The following CPPED1 variants were observed in gnomAD, a reference collection of about 807,000 sequenced individuals.
CPPED1 encodes serine/threonine-protein phosphatase CPPED1.
CPPED1 carries 28 observed loss-of-function variants against 28.0 expected under a neutral mutation model. The ratio of observed to expected loss-of-function variants is 1.00; its 90% CI spans 0.74 to 1.37. The LOEUF (loss-of-function observed/expected upper bound fraction) is 1.37, where lower values mean the gene tolerates loss of function less well. CPPED1 is among the 40% of genes most tolerant of loss of function. CPPED1 has a pLI of 0.00. For synonymous variants in CPPED1, 198 were observed against 180.2 expected (o/e 1.10, Z -0.79); for missense variants, 504 against 416.5 (o/e 1.21, Z -1.83).
intron 1 of CPPED1, among the ~76,000 whole-genome samples, chr16:12,797,485 G>T (rs1020269655): frequency 2.6e-5 from 4 of 151,690 alleles, no homozygotes; most frequent in Admixed American, 1.3e-4. Context: ...AGCCCAGGAG[G>T]GGGAGGCTGC....
At chr16:12,794,297 A>G (rs1367721373) in intron 1 of CPPED1, among the ~76,000 whole-genome samples, 1 of 152,180 alleles carries the variant, frequency 6.6e-6, no homozygotes, top group Non-Finnish European at 1.5e-5. Flanking sequence ...CTGTGAATAC[A>G]CTAAAAGCCA....
chr16:12,720,210 C>T (rs550195602), intron 2 of CPPED1: 1 of 153,714 alleles, frequency 6.5e-6, no homozygotes. Flanking sequence ...GGAGATGGCA[C>T]CCCAGATAAA....
chr16:12,691,281 TTTTC>T (rs1170574253), intron 3 of CPPED1, among the ~76,000 whole-genome samples: 2 of 152,190 alleles, frequency 1.3e-5, no homozygotes, highest in East Asian at 1.9e-4. Flanking sequence ...CCTGTGTGTG[TTTTC>T]TTTCTTTCTT....
chr16:12,803,865 T>C lies in CPPED1; in HGVS notation c.-89A>G. ...AGAACAACCGCTGGACCTGTCCCGC[T>C]TTGGGCGACGCCCTTTGATCTCGGG... On this transcript the variant is annotated 5_prime_UTR_variant, in exon 1 of 4. Transcript: ENST00000381774. The C allele has an allele frequency of 7.8e-7, 1 of 1,274,558 alleles. No homozygotes were observed. Among genetic ancestry groups the C allele is most frequent in the Non-Finnish European group, 1.1e-6 (1 of 936,814 alleles). 79.0% of individuals were successfully genotyped at this position (1,274,558 alleles called of 1,614,324 possible). A position where few individuals can be genotyped will look rare whatever the true frequency, so the allele number is the denominator to read the frequency against.
intron 2 of CPPED1, 116 bp from the exon 3 acceptor site, chr16:12,705,165 A>G (rs1197777013): frequency 3.2e-5 from 36 of 1,142,440 alleles, no homozygotes. Flanking sequence ...AATCCACTCC[A>G]CCTAGCACAT....
In CPPED1 at chr16:12,704,887, A is replaced by T; in HGVS notation, c.452T>A (p.Phe151Tyr). Residue 151 changes from phenylalanine (F) to tyrosine (Y), a missense_variant, in exon 3 of 4, where the codon TTC becomes TAC. By Grantham distance (22) the Phe-to-Tyr change is conservative (BLOSUM62 3). Coordinates refer to ENST00000381774, the MANE Select transcript of CPPED1 (RefSeq NM_018340.3). ...CAGGACGCCCCCGACCCAGAAGCTG[A>T]AGTAGTCATCTCCCCAAGTCCGGCA... is the stretch of plus-strand genomic sequence containing the variant. The part of the protein sequence containing the change: ...EFCRTWGDDY[F>Y]SFWVGGVLFL... 1 of 1,614,152 alleles carries T rather than the reference A, an allele frequency of 6.2e-7. No homozygotes were observed. The highest frequency in any genetic ancestry group is 8.5e-7 in the Non-Finnish European group (1 of 1,180,010).
intron 2 of CPPED1, among the ~76,000 whole-genome samples, chr16:12,759,647 G>A (rs2080396511): frequency 6.6e-6 from 1 of 152,224 alleles, no homozygotes; most frequent in Non-Finnish European, 1.5e-5. Flanking sequence ...TGGATCATGG[G>A]GTCGGGGGGT....
At chr16:12,787,973 T>C (rs1046344616) in intron 1 of CPPED1, among the ~76,000 whole-genome samples, 4 of 152,136 alleles carry the variant, frequency 2.6e-5, no homozygotes. Context: ...ACTTACATAG[T>C]GGTTAGTAGG....
intron 2 of CPPED1, among the ~76,000 whole-genome samples, chr16:12,719,475 G>C (rs972810474): frequency 5.3e-5 from 8 of 152,064 alleles, no homozygotes; most frequent in Non-Finnish European, 7.4e-5. Flanking sequence ...TTGACACGTG[G>C]GGATTATGCA....
intron 2 of CPPED1, among the ~76,000 whole-genome samples, chr16:12,767,502 A>G (rs2080446301): frequency 6.6e-6 from 1 of 152,148 alleles, no homozygotes; most frequent in East Asian, 1.9e-4. Context: ...TCCTTGAAGG[A>G]TCTGATGAGA....
Position 12,720,124 on chromosome 16 carries a change from C to G in CPPED1, c.290-15075G>C, listed in dbSNP as rs527804880. On this transcript the variant is annotated intron_variant, in intron 2 of 3. Transcript: ENST00000381774. ...AGGCCTAGACAGGAGAGCACAGATGCCTTCACACCGATCCTGTCTTCCCGA... is the reference window on the plus strand; with the variant it reads ...AGGCCTAGACAGGAGAGCACAGATGGCTTCACACCGATCCTGTCTTCCCGA... Among the ~76,000 whole-genome samples the G allele has an allele frequency of 2.2e-3, 342 of 152,204 alleles. 1 individual carries two copies. The highest frequency in any genetic ancestry group is 7.7e-3 in the African/African-American group (320 of 41,544).
chr16:12,691,802 G>C (rs1356173763), intron 3 of CPPED1, among the ~76,000 whole-genome samples: 1 of 107,530 alleles, frequency 9.3e-6, no homozygotes, highest in Non-Finnish European at 1.7e-5. Context: ...TCACACGCTG[G>C]GGACTGTTGT....
intron 3 of CPPED1, among the ~76,000 whole-genome samples, chr16:12,694,591 C>A (rs1472371312): frequency 1.3e-5 from 2 of 151,896 alleles, no homozygotes; most frequent in African/African-American, 2.4e-5. Flanking sequence ...TTGCGGTGAA[C>A]TGATTGGAAC....
intron 2 of CPPED1, among the ~76,000 whole-genome samples, chr16:12,752,626 A>G (rs1213218317): frequency 6.8e-6 from 1 of 147,454 alleles, no homozygotes; most frequent in East Asian, 1.9e-4. Flanking sequence ...ATATATTTAT[A>G]TTATATATTA....
At position 12,666,522 on chromosome 16, in the gene CPPED1, TA is replaced by T. The variant is rs2079826753; in HGVS notation, c.716-1408del. Among the ~76,000 whole-genome samples the T allele has an allele frequency of 2.0e-5, 3 of 152,204 alleles. No homozygotes were observed. In the South Asian group the frequency reaches 6.2e-4, roughly 32 times the overall value. The stretch of plus-strand genomic sequence containing the variant: ...GGCTGGTAAATGTTTCACATGTTAT[TA>T]TTTTTTTTAAAGACCTGATTTGTCA... On this transcript the variant is annotated intron_variant, in intron 3 of 3. Coordinates refer to ENST00000381774, the MANE Select transcript of CPPED1 (RefSeq NM_018340.3).
chr16:12,747,148 G>A (rs1012937863), intron 2 of CPPED1, among the ~76,000 whole-genome samples: 1 of 151,676 alleles, frequency 6.6e-6, no homozygotes, highest in Non-Finnish European at 1.5e-5. Flanking sequence ...ATATCAATAA[G>A]GCCGGGCATG....
chr16:12,764,567 T>C (rs1368989804), intron 2 of CPPED1, among the ~76,000 whole-genome samples: 2 of 152,080 alleles, frequency 1.3e-5, no homozygotes, highest in Non-Finnish European at 2.9e-5. Context: ...CTCAAACTCC[T>C]GACCTAAGTG....
intron 2 of CPPED1, among the ~76,000 whole-genome samples, chr16:12,767,886 G>A (rs560658210): frequency 6.6e-6 from 1 of 152,108 alleles, no homozygotes. Context: ...GAACCCAGGA[G>A]GAAGGTTGCA....
intron 2 of CPPED1, among the ~76,000 whole-genome samples, chr16:12,715,494 T>C (rs2080102641): frequency 6.6e-6 from 1 of 152,008 alleles, no homozygotes; most frequent in South Asian, 2.1e-4. Flanking sequence ...ACCCCATCTC[T>C]ACTAAAAGTA....
Sources: allele counts gnomAD v4.1 joint callset (sites outside exome capture counted in the v4.1 genomes callset), GRCh38; gene constraint gnomAD v4.1.1; transcripts MANE v1.5; gene names NCBI Gene and HGNC (gene_info 2026-07-23, HGNC 2026-07-21).